Variants in CHST9 observed in about 807,000 individuals in gnomAD.
CHST9 encodes the protein carbohydrate sulfotransferase 9.
A neutral mutation model predicts 44.4 loss-of-function variants in CHST9; 41 were observed. The ratio of observed to expected loss-of-function variants is 0.92; its 90% CI spans 0.72 to 1.20. CHST9 has a LOEUF of 1.20. Among genes scored for constraint, CHST9 ranks in the 50% most tolerant of loss-of-function variants. CHST9 has a pLI of 0.00. For missense variants in CHST9, 504 were observed against 516.5 expected (o/e 0.98, Z 0.23); for synonymous variants, 171 against 178.4 (o/e 0.96, Z 0.33).
intron 2 of CHST9, among the ~76,000 whole-genome samples, chr18:27,122,195 G>T (rs963423041): frequency 6.6e-6 from 1 of 152,174 alleles, no homozygotes; most frequent in Admixed American, 6.5e-5. Flanking sequence ...CTCATAGAAA[G>T]TTTAAAAATT....
At chr18:27,000,654 A>ATCTATC (rs1555675570) in intron 4 of CHST9, among the ~76,000 whole-genome samples, 1 of 150,310 alleles carries the variant, frequency 6.7e-6, no homozygotes, top group South Asian at 2.1e-4. Flanking sequence ...CTATCTATCT[A>ATCTATC]TCTCTCTATC....
intron 1 of CHST9, among the ~76,000 whole-genome samples, chr18:27,171,677 G>A (rs1315148604): frequency 6.6e-6 from 1 of 151,986 alleles, no homozygotes; most frequent in East Asian, 1.9e-4. Flanking sequence ...TTCTAAACTG[G>A]TCAGTAAATA....
At chr18:27,039,363 C>T (rs1181834191) in intron 3 of CHST9, among the ~76,000 whole-genome samples, 1 of 152,126 alleles carries the variant, frequency 6.6e-6, no homozygotes, top group East Asian at 1.9e-4. Context: ...GCACATACTA[C>T]AACATGGATG....
chr18:27,097,333 A>G (rs2058126980), intron 2 of CHST9, among the ~76,000 whole-genome samples: 1 of 152,114 alleles, frequency 6.6e-6, no homozygotes, highest in Non-Finnish European at 1.5e-5. Context: ...GAGAACTGGA[A>G]TAAGACAAAG....
intron 2 of CHST9, among the ~76,000 whole-genome samples, chr18:27,141,160 C>A (rs2058561155): frequency 6.6e-6 from 1 of 152,074 alleles, no homozygotes; most frequent in South Asian, 2.1e-4. Flanking sequence ...AGATCGAGAC[C>A]ATCCTGGCTA....
intron 4 of CHST9, among the ~76,000 whole-genome samples, chr18:26,958,613 G>A (rs972174196): frequency 3.3e-5 from 5 of 152,060 alleles, no homozygotes; most frequent in African/African-American, 1.2e-4. Context: ...GAATCTATAA[G>A]GAACTTAAAC....
chr18:27,031,266 G>T (rs993312638), intron 3 of CHST9, among the ~76,000 whole-genome samples: 9 of 152,162 alleles, frequency 5.9e-5, no homozygotes, highest in Non-Finnish European at 1.2e-4. Flanking sequence ...CTCAAGTGCA[G>T]CTGGACTTGA....
At chr18:27,046,832 C>G (rs16943227) in intron 3 of CHST9, among the ~76,000 whole-genome samples, 13,198 of 152,016 alleles carry the variant, frequency 0.087, 1,036 homozygotes, top group African/African-American at 0.21. Flanking sequence ...TTAACCTCAC[C>G]CTCTCATAGA....
intron 4 of CHST9, among the ~76,000 whole-genome samples, chr18:26,946,322 G>A (rs2056161789): frequency 6.6e-6 from 1 of 152,158 alleles, no homozygotes; most frequent in Non-Finnish European, 1.5e-5. Context: ...GAAGAGGGGG[G>A]AGAACTTTCA....
intron 4 of CHST9, among the ~76,000 whole-genome samples, chr18:26,967,543 T>C (rs1395850286): frequency 6.6e-6 from 1 of 152,232 alleles, no homozygotes; most frequent in Non-Finnish European, 1.5e-5. Flanking sequence ...AACTATTGTA[T>C]GTGTTTAGAA....
At chr18:27,181,615 A>G (rs1372263309) in intron 1 of CHST9, among the ~76,000 whole-genome samples, 1 of 152,236 alleles carries the variant, frequency 6.6e-6, no homozygotes, top group Non-Finnish European at 1.5e-5. Context: ...AATGCAGTGT[A>G]TTAATAGTAA....
chr18:27,179,735 C>A (rs142703937), intron 1 of CHST9, among the ~76,000 whole-genome samples: 2 of 151,990 alleles, frequency 1.3e-5, no homozygotes, highest in Non-Finnish European at 2.9e-5. Flanking sequence ...TACATTCCCA[C>A]CAAAAGCCGA....
intron 2 of CHST9, among the ~76,000 whole-genome samples, chr18:27,121,254 C>T (rs1387078040): frequency 6.6e-6 from 1 of 152,124 alleles, no homozygotes; most frequent in Non-Finnish European, 1.5e-5. Context: ...ATCCTCTTGC[C>T]TCATCCTTCA....
intron 2 of CHST9, among the ~76,000 whole-genome samples, chr18:27,101,227 G>A (rs1439173755): frequency 1.3e-5 from 2 of 152,104 alleles, no homozygotes; most frequent in African/African-American, 4.8e-5. Flanking sequence ...ATAGAGTGAA[G>A]CTAACATATG....
chr18:26,980,331 T>C lies in CHST9; in HGVS notation c.203-35965A>G, dbSNP rs139642656. Among the ~76,000 whole-genome samples, 1,293 of 152,238 alleles carry C rather than the reference T, an allele frequency of 8.5e-3. 20 individuals are homozygous for C. The highest frequency in any genetic ancestry group is 0.01 in the Middle Eastern group (3 of 294). On this transcript the variant is annotated intron_variant, in intron 4 of 5. Coordinates refer to ENST00000618847, the MANE Select transcript of CHST9 (RefSeq NM_031422.6). Reference sequence around the variant, plus strand: ...GTGTAACAGATTCACAATACATTCTTATTGACTGTAAGAAACCAGTGCTTA... The same window carrying C: ...GTGTAACAGATTCACAATACATTCTCATTGACTGTAAGAAACCAGTGCTTA...
chr18:26,962,959 T>A (rs1162750840), intron 4 of CHST9, among the ~76,000 whole-genome samples: 2 of 152,186 alleles, frequency 1.3e-5, no homozygotes, highest in Non-Finnish European at 2.9e-5. Flanking sequence ...TTTGTAAAAG[T>A]TTTTTTGTGT....
intron 1 of CHST9, among the ~76,000 whole-genome samples, chr18:27,177,739 G>T (rs913084641): frequency 1.3e-5 from 2 of 151,958 alleles, no homozygotes; most frequent in Admixed American, 1.3e-4. Flanking sequence ...CTGAACAATG[G>T]GAGTGGAATG....
At position 26,922,022 on chromosome 18, in the gene CHST9, A is replaced by G. The variant is rs1402384975; in HGVS notation, c.241-4672T>C. 1.8e-4 allele frequency among the ~76,000 whole-genome samples: 28 copies of G among 152,324 alleles called. No individual in the cohort carries two copies. The East Asian group carries it at 5.2e-3, about 28-fold the overall frequency. On this transcript the variant is annotated intron_variant, in intron 5 of 5. Transcript: ENST00000618847. ...CCTAATTAGTGTCCCTGCAATTATT[A>G]CTAAATTATTCTTCCCCAAACATTT...
intron 1 of CHST9, among the ~76,000 whole-genome samples, chr18:27,155,086 T>TAAAAAAAAA (rs145704285): frequency 2.8e-5 from 3 of 108,752 alleles, no homozygotes; most frequent in Non-Finnish European, 4.0e-5. Context: ...TTTCAAAAGT[T>TAAAAAAAAA]AAAAAAAAAA....
Sources: gnomAD v4.1 joint callset for allele counts (sites outside exome capture counted in the v4.1 genomes callset) on GRCh38, gnomAD v4.1.1 for gene constraint, MANE v1.5 for transcripts, NCBI Gene and HGNC (gene_info 2026-07-23, HGNC 2026-07-21) for gene names.